Variants in NVL observed in about 807,000 individuals in gnomAD.
The protein encoded by NVL is nuclear valosin-containing protein-like.
A neutral mutation model predicts 110.2 loss-of-function variants in NVL; 84 were observed. That is an observed-to-expected ratio of 0.76 (90% CI 0.64 to 0.91). The LOEUF is 0.91. Among genes scored for constraint, NVL ranks in the 40% least tolerant of loss-of-function variants. NVL has a pLI of 0.00. For synonymous variants in NVL, 354 were observed against 361.1 expected (o/e 0.98, Z 0.22); for missense variants, 882 against 1,035.9 (o/e 0.85, Z 2.04).
chr1:224,317,632 A>G (rs1295052191), intron 4 of NVL, 62 bp downstream of exon 4: 6 of 992,456 alleles, frequency 6.0e-6, no homozygotes, highest in East Asian at 2.4e-5. Context: ...AAAGTTTTAC[A>G]AGCAGGAATG....
intron 5 of NVL, among the ~76,000 whole-genome samples, chr1:224,309,762 C>G (rs1332830510): frequency 6.6e-6 from 1 of 152,124 alleles, no homozygotes; most frequent in African/African-American, 2.4e-5. Context: ...GGCATGTTGT[C>G]TCATGTCTGT....
At chr1:224,237,456 T>C (rs1660611718) in intron 19 of NVL, among the ~76,000 whole-genome samples, 1 of 152,196 alleles carries the variant, frequency 6.6e-6, no homozygotes, top group Non-Finnish European at 1.5e-5. Context: ...ACTCTTAGAA[T>C]TTCTCATGAG....
intron 19 of NVL, among the ~76,000 whole-genome samples, chr1:224,241,983 G>GAATGC (rs1661256298): frequency 6.6e-6 from 1 of 151,766 alleles, no homozygotes; most frequent in Non-Finnish European, 1.5e-5. Flanking sequence ...AGTGAGCCAA[G>GAATGC]ACCACGCCAT....
chr1:224,265,703 G>C (rs1664437940), intron 18 of NVL, among the ~76,000 whole-genome samples: 1 of 152,146 alleles, frequency 6.6e-6, no homozygotes, highest in African/African-American at 2.4e-5. Context: ...ATTAGGTCAT[G>C]AGGGCTCTGC....
intron 19 of NVL, 30 bp downstream of exon 19, chr1:224,250,182 A>T (rs1383257793): frequency 5.0e-6 from 8 of 1,599,424 alleles, no homozygotes; most frequent in Middle Eastern, 3.3e-4. Flanking sequence ...AGAGAAACAT[A>T]TACAAAAATA....
chr1:224,236,768 G>A (rs953637708), intron 19 of NVL, 186 bp from the exon 20 acceptor site: 30 of 478,610 alleles, frequency 6.3e-5, no homozygotes, highest in African/African-American at 3.6e-4. Flanking sequence ...AAAATTAGCT[G>A]GGCGTTATGG....
intron 20 of NVL, among the ~76,000 whole-genome samples, chr1:224,235,247 A>G (rs1398105785): frequency 6.6e-6 from 1 of 152,120 alleles, no homozygotes; most frequent in Non-Finnish European, 1.5e-5. Flanking sequence ...AGCTCACTGC[A>G]ACCTCCACCC....
chr1:224,269,743 C>G (rs1225731124), intron 17 of NVL: 1 of 150,096 alleles, frequency 6.7e-6, no homozygotes, highest in East Asian at 1.9e-4. Context: ...TCATTTCTTT[C>G]TTTCTTTTTT....
intron 2 of NVL, among the ~76,000 whole-genome samples, chr1:224,318,988 C>CAA (rs35766183): frequency 3.1e-4 from 29 of 94,510 alleles, no homozygotes; most frequent in African/African-American, 4.9e-4. Context: ...GACTCCGTCT[C>CAA]AAAAAAAAAA....
At chr1:224,286,215 GT>G (rs759032246) in intron 14 of NVL, 85 bp from the exon 15 acceptor site, 103,136 of 719,352 alleles carry the variant, frequency 0.14, 1,182 homozygotes, top group African/African-American at 0.25. Context: ...ATATTTTATG[GT>G]TTTTTTTTTT....
chr1:224,289,821 G>A (rs3738382), intron 12 of NVL, 88 bp from the exon 13 acceptor site: 9 of 1,292,064 alleles, frequency 7.0e-6, no homozygotes, highest in East Asian at 5.0e-5. Flanking sequence ...AGTCCTTCAC[G>A]TCTGCCAAAG....
chr1:224,322,790 C>T (rs1670785966), intron 2 of NVL, among the ~76,000 whole-genome samples: 1 of 152,024 alleles, frequency 6.6e-6, no homozygotes, highest in African/African-American at 2.4e-5. Flanking sequence ...CCTGTCGCTA[C>T]TAAAATACAA....
chr1:224,319,403 G>T (rs1351820492), intron 2 of NVL, among the ~76,000 whole-genome samples: 1 of 151,728 alleles, frequency 6.6e-6, no homozygotes, highest in Non-Finnish European at 1.5e-5. Flanking sequence ...CGCTTCCGGG[G>T]TTCACGCCAT....
chr1:224,228,735 C>T (rs1333242778), intron 22 of NVL, among the ~76,000 whole-genome samples: 2 of 147,928 alleles, frequency 1.4e-5, no homozygotes, highest in Non-Finnish European at 3.0e-5. Context: ...GTCAGGAGAT[C>T]GAGACCATCC....
intron 14 of NVL, among the ~76,000 whole-genome samples, chr1:224,287,007 G>A (rs763311244): frequency 2.4e-4 from 37 of 152,058 alleles, no homozygotes; most frequent in Non-Finnish European, 3.5e-4. Flanking sequence ...AATTTTTTGT[G>A]GTTTAAACTC....
At chr1:224,311,883 T>G in intron 4 of NVL, 26 bp from the exon 5 acceptor site, 3 of 1,571,312 alleles carry the variant, frequency 1.9e-6, no homozygotes, top group Non-Finnish European at 2.6e-6. Context: ...GAAAAATGTT[T>G]TAAAGACTTT....
At chr1:224,310,199 A>G (rs1572034258) in intron 5 of NVL, among the ~76,000 whole-genome samples, 1 of 151,208 alleles carries the variant, frequency 6.6e-6, no homozygotes, top group Non-Finnish European at 1.5e-5. Context: ...AAAAAAAAAG[A>G]AAGAAATATA....
chr1:224,248,701 C>T (rs866840574), intron 19 of NVL, among the ~76,000 whole-genome samples: 4 of 152,314 alleles, frequency 2.6e-5, no homozygotes, highest in Middle Eastern at 3.4e-3. Flanking sequence ...GATAATTAGG[C>T]GTCCATTCCT....
intron 17 of NVL, among the ~76,000 whole-genome samples, chr1:224,272,401 C>A (rs1174838146): frequency 3.3e-5 from 5 of 151,882 alleles, no homozygotes; most frequent in Non-Finnish European, 5.9e-5. Context: ...TTTTTAGAAT[C>A]TGCTTTAGGT....
Sources: gnomAD v4.1 joint callset for allele counts (sites outside exome capture counted in the v4.1 genomes callset) on GRCh38, gnomAD v4.1.1 for gene constraint, MANE v1.5 for transcripts, NCBI Gene and HGNC (gene_info 2026-07-23, HGNC 2026-07-21) for gene names.